The following RBFOX1 variants were observed in gnomAD, a reference collection of about 807,000 sequenced individuals.
The protein encoded by RBFOX1 is RNA binding fox-1 homolog 1.
Under a neutral mutation model 57.7 loss-of-function variants are expected in RBFOX1, and 8 were observed. The observed-to-expected ratio is 0.14, with a 90% CI of 0.08 to 0.25. The LOEUF (loss-of-function observed/expected upper bound fraction) is 0.25, where lower values mean the gene tolerates loss of function less well. Ranked by LOEUF, RBFOX1 falls within the 10% of genes least tolerant of loss-of-function variation. RBFOX1 has a pLI of 1.00. For synonymous variants in RBFOX1, 326 were observed against 222.4 expected, an observed-to-expected ratio of 1.47 and a Z score of -4.15; for missense variants, 611 against 548.5, an observed-to-expected ratio of 1.11 and a Z score of -1.14.
intron 11 of RBFOX1, among the ~76,000 whole-genome samples, chr16:7,647,767 T>C (rs534518216): frequency 6.6e-6 from 1 of 152,282 alleles, no homozygotes; most frequent in Non-Finnish European, 1.5e-5. Flanking sequence ...TTGGCTTTAT[T>C]AAATAGTCAT....
At chr16:6,763,191 A>G (rs538072990) in intron 3 of RBFOX1, among the ~76,000 whole-genome samples, 14 of 152,356 alleles carry the variant, frequency 9.2e-5, no homozygotes, top group Admixed American at 9.1e-4. Flanking sequence ...CTTCAGCTCA[A>G]TGTTTATCAA....
At chr16:6,614,240 G>A (rs1322950900) in intron 2 of RBFOX1, among the ~76,000 whole-genome samples, 3 of 152,126 alleles carry the variant, frequency 2.0e-5, no homozygotes, top group African/African-American at 7.2e-5. Flanking sequence ...TGCAAGTAAG[G>A]ATGTCTGAAA....
At chr16:5,382,291 CT>C (rs1294014976) in intron 1 of RBFOX1, among the ~76,000 whole-genome samples, 1 of 152,192 alleles carries the variant, frequency 6.6e-6, no homozygotes, top group East Asian at 1.9e-4. Context: ...TCCAATTCAG[CT>C]GTTATTCAAC....
intron 4 of RBFOX1, among the ~76,000 whole-genome samples, chr16:7,201,742 C>G (rs559058834): frequency 1.6e-4 from 25 of 152,122 alleles, no homozygotes; most frequent in Non-Finnish European, 3.1e-4. Flanking sequence ...GGACTACAGG[C>G]AAGAGCCACC....
At chr16:7,031,058 C>A (rs779469174) in intron 3 of RBFOX1, among the ~76,000 whole-genome samples, 1 of 152,180 alleles carries the variant, frequency 6.6e-6, no homozygotes, top group Non-Finnish European at 1.5e-5. Context: ...GATGCTGATG[C>A]TGCTTCTTCC....
At chr16:5,537,394 A>G (rs1295161839) in intron 2 of RBFOX1, among the ~76,000 whole-genome samples, 1 of 152,200 alleles carries the variant, frequency 6.6e-6, no homozygotes, top group Non-Finnish European at 1.5e-5. Flanking sequence ...ACTACCACAA[A>G]TATAGTGACT....
At chr16:5,961,482 A>AAC (rs1555457306) in intron 4 of RBFOX1, among the ~76,000 whole-genome samples, 18 of 139,450 alleles carry the variant, frequency 1.3e-4, no homozygotes, top group African/African-American at 4.8e-4. Flanking sequence ...TTTGTTTAAA[A>AAC]AAAACAAAAC....
intron 2 of RBFOX1, among the ~76,000 whole-genome samples, chr16:6,342,865 T>G (rs562034043): frequency 6.6e-6 from 1 of 152,172 alleles, no homozygotes; most frequent in Non-Finnish European, 1.5e-5. Context: ...GAATGCTTTA[T>G]CCTACATTGA....
chr16:7,137,858 A>T (rs1238100686), intron 4 of RBFOX1, among the ~76,000 whole-genome samples: 1 of 152,156 alleles, frequency 6.6e-6, no homozygotes, highest in East Asian at 1.9e-4. Context: ...GTTTTGGCTG[A>T]TTTTTATTGA....
intron 1 of RBFOX1, among the ~76,000 whole-genome samples, chr16:6,093,338 T>A (rs201895520): frequency 4.0e-5 from 6 of 151,864 alleles, no homozygotes. Flanking sequence ...ACTTGGAAGG[T>A]TGAGGTGGGA....
intron 1 of RBFOX1, among the ~76,000 whole-genome samples, chr16:5,248,179 G>T (rs1163080491): frequency 3.3e-5 from 5 of 152,222 alleles, no homozygotes; most frequent in Non-Finnish European, 7.3e-5. Context: ...GGAGATAAAA[G>T]AATGGTTTCT....
At chr16:5,332,961 G>C (rs1010568503) in intron 1 of RBFOX1, among the ~76,000 whole-genome samples, 1 of 152,070 alleles carries the variant, frequency 6.6e-6, no homozygotes, top group African/African-American at 2.4e-5. Context: ...CAAGGTGGGC[G>C]GATCACCTGA....
intron 2 of RBFOX1, among the ~76,000 whole-genome samples, chr16:5,483,631 T>C (rs1213426915): frequency 6.6e-6 from 1 of 152,230 alleles, no homozygotes; most frequent in East Asian, 1.9e-4. Flanking sequence ...ATTTGTCTTT[T>C]CTAATGCTGT....
Position 5,859,206 on chromosome 16 carries a change from C to G in RBFOX1, c.319-8097C>G, listed in dbSNP as rs370802464. On this transcript the variant is annotated intron_variant, in intron 3 of 19. Transcript: ENST00000641259. Reference sequence around the variant, plus strand: ...GGCGACACAGCGAGACTCTGTCTCACAAACAAAAACAAAAACAAAAACAAC... The same window carrying G: ...GGCGACACAGCGAGACTCTGTCTCAGAAACAAAAACAAAAACAAAAACAAC... Among the ~76,000 whole-genome samples the G allele has an allele frequency of 4.6e-5, 7 of 151,940 alleles. No homozygotes were observed. The East Asian group carries it at 1.4e-3, about 30-fold the overall frequency.
intron 2 of RBFOX1, among the ~76,000 whole-genome samples, chr16:6,457,991 A>G (rs2191428): frequency 0.78 from 118,361 of 151,300 alleles, 46,581 homozygotes; most frequent in Middle Eastern, 0.87. Flanking sequence ...ACACATACAT[A>G]GGTTTGTGTT....
intron 3 of RBFOX1, among the ~76,000 whole-genome samples, chr16:5,738,742 G>C (rs1010476858): frequency 2.0e-5 from 3 of 152,074 alleles, no homozygotes; most frequent in Non-Finnish European, 2.9e-5. Flanking sequence ...TTGGGAGCTG[G>C]AGTGGGGGTG....
chr16:7,296,965 C>G (rs1009293864), intron 4 of RBFOX1, among the ~76,000 whole-genome samples: 3 of 152,160 alleles, frequency 2.0e-5, no homozygotes, highest in Non-Finnish European at 2.9e-5. Flanking sequence ...TGCAGACATC[C>G]TGCTTAGTGG....
intron 2 of RBFOX1, among the ~76,000 whole-genome samples, chr16:5,496,749 T>C (rs2043015420): frequency 6.6e-6 from 1 of 152,188 alleles, no homozygotes; most frequent in Non-Finnish European, 1.5e-5. Context: ...TACATCTTTA[T>C]TTGCAATCAG....
intron 10 of RBFOX1, among the ~76,000 whole-genome samples, chr16:7,626,075 T>A (rs943560173): frequency 6.6e-6 from 1 of 152,232 alleles, no homozygotes; most frequent in African/African-American, 2.4e-5. Context: ...AAGCCAGAGC[T>A]GAGTCCAGAA....
Sources: allele counts gnomAD v4.1 joint callset (sites outside exome capture counted in the v4.1 genomes callset), GRCh38; gene constraint gnomAD v4.1.1; transcripts MANE v1.5; gene names NCBI Gene and HGNC (gene_info 2026-07-23, HGNC 2026-07-21).